Variants in SORCS1 observed in about 807,000 individuals in gnomAD.
SORCS1 encodes sortilin related VPS10 domain containing receptor 1.
SORCS1 carries 60 observed loss-of-function variants against 146.1 expected under a neutral mutation model. The ratio of observed to expected loss-of-function variants is 0.41; its 90% confidence interval spans 0.33 to 0.51. The LOEUF (loss-of-function observed/expected upper bound fraction) is 0.51, where lower values mean the gene tolerates loss of function less well. Ranked by LOEUF, SORCS1 falls within the 20% of genes least tolerant of loss-of-function variation. SORCS1 has a pLI of 0.21. For missense variants in SORCS1, 1,352 were observed against 1,487.6 expected (o/e 0.91, Z 1.50); for synonymous variants, 637 against 584.0 (o/e 1.09, Z -1.31).
intron 1 of SORCS1, among the ~76,000 whole-genome samples, chr10:107,074,829 C>T (rs538842013): frequency 7.9e-5 from 12 of 152,106 alleles, no homozygotes; most frequent in Admixed American, 5.9e-4. Flanking sequence ...TATCCTTACT[C>T]GTCATCTGTA....
At chr10:106,745,825 GC>G (rs1276641144) in intron 5 of SORCS1, among the ~76,000 whole-genome samples, 3 of 152,090 alleles carry the variant, frequency 2.0e-5, no homozygotes, top group Admixed American at 1.3e-4. Context: ...CCTGGGAGAC[GC>G]CCCCTTCACC....
intron 1 of SORCS1, among the ~76,000 whole-genome samples, chr10:107,075,667 C>A (rs1421482579): frequency 6.6e-6 from 1 of 152,080 alleles, no homozygotes; most frequent in Non-Finnish European, 1.5e-5. Context: ...GAGAAATTGT[C>A]TAAATTTGTA....
At chr10:106,610,084 C>A (rs1846874112) in intron 22 of SORCS1, among the ~76,000 whole-genome samples, 1 of 152,156 alleles carries the variant, frequency 6.6e-6, no homozygotes, top group African/African-American at 2.4e-5. Flanking sequence ...AGTCGTGCCT[C>A]CTGGTGGTGA....
chr10:106,583,180 A>G (rs1434908265), intron 24 of SORCS1, among the ~76,000 whole-genome samples: 2 of 152,236 alleles, frequency 1.3e-5, no homozygotes, highest in Non-Finnish European at 2.9e-5. Flanking sequence ...TACATGCCCA[A>G]TATTTCTAAC....
At chr10:106,843,187 A>C (rs1949129368) in intron 2 of SORCS1, among the ~76,000 whole-genome samples, 1 of 152,156 alleles carries the variant, frequency 6.6e-6, no homozygotes, top group South Asian at 2.1e-4. Context: ...TTGTAAATGA[A>C]GTATCCTGAA....
intron 4 of SORCS1, among the ~76,000 whole-genome samples, chr10:106,770,409 C>G (rs990362225): frequency 6.6e-6 from 1 of 151,386 alleles, no homozygotes; most frequent in Non-Finnish European, 1.5e-5. Context: ...GCCCACCAAA[C>G]TGTCCTAAAA....
At chr10:106,897,120 A>C (rs1473431344) in intron 2 of SORCS1, among the ~76,000 whole-genome samples, 4 of 151,864 alleles carry the variant, frequency 2.6e-5, no homozygotes, top group African/African-American at 9.7e-5. Context: ...TGACCTCGTG[A>C]TCCGCCCACC....
chr10:106,577,634 G>T, intron 25 of SORCS1, 79 bp from the exon 26 acceptor site: 2 of 1,581,834 alleles, frequency 1.3e-6, no homozygotes, highest in Non-Finnish European at 1.7e-6. Flanking sequence ...AATGTGCTGC[G>T]ATATCTTCCT....
intron 18 of SORCS1, among the ~76,000 whole-genome samples, chr10:106,641,978 T>C (rs1737951568): frequency 6.6e-6 from 1 of 152,134 alleles, no homozygotes; most frequent in Non-Finnish European, 1.5e-5. Context: ...GAAAAGTACA[T>C]GATATAAAAT....
At chr10:106,986,660 T>C (rs1259514201) in intron 1 of SORCS1, among the ~76,000 whole-genome samples, 1 of 148,284 alleles carries the variant, frequency 6.7e-6, no homozygotes, top group Non-Finnish European at 1.5e-5. Flanking sequence ...AAAGCTCTGC[T>C]TATTTTTTGA....
At chr10:106,701,728 A>G (rs1396415982) in intron 8 of SORCS1, among the ~76,000 whole-genome samples, 2 of 152,232 alleles carry the variant, frequency 1.3e-5, no homozygotes, top group Non-Finnish European at 2.9e-5. Flanking sequence ...TGGACTTTGG[A>G]GTAAAACTAG....
At chr10:106,944,028 C>T (rs776845708) in intron 2 of SORCS1, among the ~76,000 whole-genome samples, 2 of 152,116 alleles carry the variant, frequency 1.3e-5, no homozygotes, top group Non-Finnish European at 2.9e-5. Flanking sequence ...CTATTAAAAT[C>T]ACCCCCACAC....
At chr10:106,925,778 C>T (rs1952983813) in intron 2 of SORCS1, among the ~76,000 whole-genome samples, 1 of 152,128 alleles carries the variant, frequency 6.6e-6, no homozygotes, top group Non-Finnish European at 1.5e-5. Flanking sequence ...AGAACAATTG[C>T]ACTGTATATT....
At position 106,667,693 on chromosome 10, in the gene SORCS1, T is replaced by C. The variant is rs774375522; in HGVS notation, c.2299A>G (p.Thr767Ala). The change falls in exon 17 of 26, where the codon ACT (threonine) becomes GCT (alanine). Residue 767 changes from threonine to alanine, a missense_variant. Thr to Ala is a moderately conservative substitution (Grantham distance 58, BLOSUM62 0). This residue lies in a region of SORCS1 where 648 missense variants were observed against 793.8 expected (regional missense o/e 0.82). Coordinates refer to ENST00000263054, the MANE Select transcript of SORCS1 (RefSeq NM_052918.5). ...GTCACTACTCCAGACACTTACCCAG[T>C]ACTATTGAGGTAACTCTGTCCCAAG... Reference protein sequence around the residue: ...CSLGQSYLNSTGYRKVVSNNC... With the variant: ...CSLGQSYLNSAGYRKVVSNNC... 3.1e-6 allele frequency: 5 copies of C among 1,612,882 alleles called. No homozygotes were observed. The highest frequency in any genetic ancestry group is 4.2e-6 in the Non-Finnish European group (5 of 1,179,094).
chr10:106,643,783 G>C (rs1849228033), intron 18 of SORCS1, among the ~76,000 whole-genome samples: 1 of 152,240 alleles, frequency 6.6e-6, no homozygotes, highest in Non-Finnish European at 1.5e-5. Context: ...TTATTACATG[G>C]AAAGCAGAGT....
At chr10:106,586,498 C>T (rs1845247337) in intron 24 of SORCS1, among the ~76,000 whole-genome samples, 1 of 152,070 alleles carries the variant, frequency 6.6e-6, no homozygotes, top group Admixed American at 6.5e-5. Context: ...GTTTGTGCCC[C>T]TGTTTCTGTT....
chr10:106,932,670 C>T (rs1953479494), intron 2 of SORCS1, among the ~76,000 whole-genome samples: 1 of 152,194 alleles, frequency 6.6e-6, no homozygotes, highest in South Asian at 2.1e-4. Flanking sequence ...TCTAAGGACA[C>T]CCTTGACAAA....
At chr10:106,899,671 C>T (rs1316210249) in intron 2 of SORCS1, among the ~76,000 whole-genome samples, 1 of 148,070 alleles carries the variant, frequency 6.8e-6, no homozygotes, top group Non-Finnish European at 1.5e-5. Context: ...GCTGCATTTC[C>T]ACAAAGTATC....
intron 1 of SORCS1, among the ~76,000 whole-genome samples, chr10:107,124,748 A>T (rs2134575343): frequency 6.6e-6 from 1 of 152,280 alleles, no homozygotes; most frequent in Middle Eastern, 3.4e-3. Context: ...AACGAAAAAC[A>T]GAAAACCAGC....
Sources: gnomAD v4.1 joint callset for allele counts (sites outside exome capture counted in the v4.1 genomes callset) on GRCh38, gnomAD v4.1.1 for gene constraint, gnomAD v4.1.1 regional missense constraint, MANE v1.5 for transcripts, NCBI Gene and HGNC (gene_info 2026-07-23, HGNC 2026-07-21) for gene names.